SETDB2: variants seen among roughly 807,000 people sequenced by gnomAD.
SETDB2 encodes the protein histone-lysine N-methyltransferase SETDB2.
SETDB2 carries 56 observed loss-of-function variants against 82.5 expected under a neutral mutation model. The observed-to-expected ratio is 0.68, with a 90% confidence interval of 0.55 to 0.85. The LOEUF (loss-of-function observed/expected upper bound fraction) is 0.85, where lower values mean the gene tolerates loss of function less well. Ranked by LOEUF, SETDB2 falls within the 40% of genes least tolerant of loss-of-function variation. SETDB2 has a pLI of 0.00. For missense variants in SETDB2, 677 were observed against 816.4 expected, an observed-to-expected ratio of 0.83 and a Z score of 2.08; for synonymous variants, 272 against 284.9, an observed-to-expected ratio of 0.95 and a Z score of 0.46.
At chr13:49,481,175 C>A in intron 8 of SETDB2, 59 bp downstream of exon 8, 3 of 1,524,596 alleles carry the variant, frequency 2.0e-6, no homozygotes, top group African/African-American at 1.4e-5. Context: ...TCTAAATATC[C>A]ATTTTCCTAG....
intron 5 of SETDB2, among the ~76,000 whole-genome samples, chr13:49,473,292 G>A (rs1307580388): frequency 5.9e-5 from 9 of 152,190 alleles, no homozygotes; most frequent in South Asian, 2.1e-4. Context: ...GCTCATGCTT[G>A]TAATCCTAGT....
intron 1 of SETDB2, among the ~76,000 whole-genome samples, chr13:49,450,167 T>G (rs1957760492): frequency 6.6e-6 from 1 of 152,244 alleles, no homozygotes; most frequent in African/African-American, 2.4e-5. Flanking sequence ...CGATGTGTGT[T>G]AAGAATTTTA....
intron 1 of SETDB2, among the ~76,000 whole-genome samples, chr13:49,449,181 A>G (rs1957744580): frequency 6.6e-6 from 1 of 152,082 alleles, no homozygotes; most frequent in Non-Finnish European, 1.5e-5. Flanking sequence ...CTTTATTGTG[A>G]TTATTGACAT....
At chr13:49,463,767 A>G (rs1322536974) in intron 4 of SETDB2, among the ~76,000 whole-genome samples, 1 of 152,192 alleles carries the variant, frequency 6.6e-6, no homozygotes, top group East Asian at 1.9e-4. Flanking sequence ...GTTACTAGTT[A>G]CAGAGAACAG....
chr13:49,489,621 C>T (rs59837207), intron 12 of SETDB2, among the ~76,000 whole-genome samples: 4,104 of 103,154 alleles, frequency 0.04, 133 homozygotes, highest in East Asian at 0.19. Context: ...TTTTTGAGAC[C>T]GAGTCTTGCT....
intron 11 of SETDB2, among the ~76,000 whole-genome samples, chr13:49,486,743 G>T (rs2138986946): frequency 6.6e-6 from 1 of 152,184 alleles, no homozygotes; most frequent in East Asian, 1.9e-4. Context: ...AGAGTTACTA[G>T]TCCTTGCCAT....
intron 7 of SETDB2, 61 bp downstream of exon 7, chr13:49,480,396 T>TTG: frequency 2.0e-6 from 2 of 1,002,284 alleles, no homozygotes; most frequent in Non-Finnish European, 2.9e-6. Context: ...GTACTTTTTA[T>TTG]TGTGGTCCAA....
intron 2 of SETDB2, among the ~76,000 whole-genome samples, chr13:49,453,604 G>A (rs904232370): frequency 6.6e-6 from 1 of 151,998 alleles, no homozygotes; most frequent in Non-Finnish European, 1.5e-5. Flanking sequence ...TGCTCAGTTG[G>A]CTCTTGTGTC....
At chr13:49,460,432 G>A (rs938093155) in intron 3 of SETDB2, among the ~76,000 whole-genome samples, 200 bp downstream of exon 3, 1 of 151,768 alleles carries the variant, frequency 6.6e-6, no homozygotes, top group Non-Finnish European at 1.5e-5. Context: ...TGTTGCAAAA[G>A]TAACATCTGC....
chr13:49,483,366 T>G, intron 9 of SETDB2, 98 bp from the exon 10 acceptor site: 1 of 464,186 alleles, frequency 2.2e-6, no homozygotes, highest in Non-Finnish European at 3.8e-6. Context: ...TTTATAATAA[T>G]TAAGGATATT....
chr13:49,451,224 G>C (rs1460119445), intron 1 of SETDB2, among the ~76,000 whole-genome samples: 2 of 150,876 alleles, frequency 1.3e-5, no homozygotes, highest in Non-Finnish European at 3.0e-5. Flanking sequence ...ATTAAGTCTT[G>C]TCCTCAGAAC....
Position 49,480,991 on chromosome 13 carries a change from G to A in SETDB2, c.1031G>A (p.Cys344Tyr). ...SLLCKCNRQL[C>Y]QNRVVQHGPQ... Reference sequence around the variant, plus strand: ...TTGTGCAAATGTAATCGACAATTGTGTCAAAACCGAGTTGTCCAACATGGT... The same window carrying A: ...TTGTGCAAATGTAATCGACAATTGTATCAAAACCGAGTTGTCCAACATGGT... The change falls in exon 8 of 14, where the codon TGT (cysteine) becomes TAT (tyrosine). Residue 344 changes from cysteine to tyrosine, a missense_variant. Around this residue, in one of 3 missense-constraint regions of SETDB2, gnomAD observed 420 missense variants for 554.6 expected, o/e 0.76. Transcript: ENST00000611815. 1 of 1,614,144 alleles carries A rather than the reference G, an allele frequency of 6.2e-7. No homozygotes were observed. The highest frequency in any genetic ancestry group is 1.1e-5 in the South Asian group (1 of 91,088).
intron 5 of SETDB2, among the ~76,000 whole-genome samples, chr13:49,473,519 C>G (rs1958291485): frequency 6.8e-6 from 1 of 146,770 alleles, no homozygotes; most frequent in East Asian, 2.1e-4. Context: ...CCACTGCACT[C>G]CAGCCTGGGT....
intron 5 of SETDB2, among the ~76,000 whole-genome samples, chr13:49,470,966 C>CTTTCTTTCTTTTTTTTTTTTTTTTTT (rs10695231): frequency 6.2e-5 from 5 of 80,482 alleles, no homozygotes; most frequent in Non-Finnish European, 8.5e-5. Flanking sequence ...TTCTTTCTTT[C>CTTTCTTTCTTTTTTTTTTTTTTTTTT]TTTTTTTTTT....
chr13:49,453,610 G>C (rs995713393), intron 2 of SETDB2, among the ~76,000 whole-genome samples: 1 of 152,046 alleles, frequency 6.6e-6, no homozygotes, highest in Non-Finnish European at 1.5e-5. Context: ...GTTGGCTCTT[G>C]TGTCCCTTTG....
intron 10 of SETDB2, among the ~76,000 whole-genome samples, chr13:49,484,527 C>T (rs1441421733): frequency 6.6e-6 from 1 of 152,098 alleles, no homozygotes; most frequent in African/African-American, 2.4e-5. Context: ...ACTTTGGCCT[C>T]CCGAAGTGCT....
chr13:49,477,890 T>C (rs1958402654), intron 6 of SETDB2, among the ~76,000 whole-genome samples: 1 of 152,230 alleles, frequency 6.6e-6, no homozygotes, highest in Non-Finnish European at 1.5e-5. Flanking sequence ...AATCATAGAA[T>C]AGTATTAACA....
intron 9 of SETDB2, 51 bp downstream of exon 9, chr13:49,483,013 T>C (rs1181781670): frequency 8.7e-7 from 1 of 1,152,414 alleles, no homozygotes; most frequent in East Asian, 2.4e-5. Flanking sequence ...TATCAATCAA[T>C]TGGTTCTTTT....
intron 5 of SETDB2, 64 bp from the exon 6 acceptor site, chr13:49,476,412 G>GT (rs1331478562): frequency 1.2e-5 from 13 of 1,115,124 alleles, no homozygotes; most frequent in Non-Finnish European, 1.7e-5. Flanking sequence ...AATAATCATA[G>GT]TTTTTTTAAA....
Sources: gnomAD v4.1 joint callset for allele counts (sites outside exome capture counted in the v4.1 genomes callset) on GRCh38, gnomAD v4.1.1 for gene constraint, gnomAD v4.1.1 regional missense constraint, MANE v1.5 for transcripts, NCBI Gene and HGNC (gene_info 2026-07-23, HGNC 2026-07-21) for gene names.